The following UVRAG variants were observed in gnomAD, a reference collection of about 807,000 sequenced individuals.
UVRAG encodes UV radiation resistance associated, also known as UV radiation resistance-associated gene protein.
A neutral mutation model predicts 78.0 loss-of-function variants in UVRAG; 19 were observed. That is an observed-to-expected ratio of 0.24 (90% CI 0.17 to 0.36). UVRAG has a LOEUF of 0.36. UVRAG is among the 10% of genes least tolerant of loss of function. The pLI, the probability that UVRAG is intolerant of heterozygous loss-of-function variation, is 1.00. For missense variants in UVRAG, 740 were observed against 853.8 expected (o/e 0.87, Z 1.66); for synonymous variants, 323 against 324.6 (o/e 1.00, Z 0.05).
chr11:75,949,553 G>T lies in UVRAG; in HGVS notation c.594-11891G>T, dbSNP rs143617117. ...ACACAGGCACCTCCAACTGAAAATA[G>T]AACTTTCTTCTCAAACTGTTGCTGC... On this transcript the variant is annotated intron_variant, in intron 6 of 14. Coordinates refer to ENST00000356136, the MANE Select transcript of UVRAG (RefSeq NM_003369.4). 1.4e-4 allele frequency among the ~76,000 whole-genome samples: 21 copies of T among 152,058 alleles called. No homozygotes were observed. The East Asian group carries it at 4.1e-3, about 29-fold the overall frequency.
At chr11:75,946,957 T>C (rs1015797121) in intron 6 of UVRAG, among the ~76,000 whole-genome samples, 5 of 152,134 alleles carry the variant, frequency 3.3e-5, no homozygotes, top group African/African-American at 1.2e-4. Flanking sequence ...GCCAGCATGG[T>C]TCAGTTTCTG....
chr11:75,867,527 C>T (rs565685885), intron 3 of UVRAG, among the ~76,000 whole-genome samples: 2 of 152,034 alleles, frequency 1.3e-5, no homozygotes, highest in South Asian at 2.1e-4. Context: ...CTCATTTTTT[C>T]TGTGGATAGG....
chr11:75,889,228 A>G (rs1947161552), intron 5 of UVRAG, among the ~76,000 whole-genome samples: 1 of 152,236 alleles, frequency 6.6e-6, no homozygotes, highest in Non-Finnish European at 1.5e-5. Flanking sequence ...GTTTTATGAA[A>G]TGTTTCAGAT....
intron 3 of UVRAG, among the ~76,000 whole-genome samples, chr11:75,873,919 G>A (rs555725334): frequency 1.3e-4 from 20 of 152,290 alleles, no homozygotes; most frequent in African/African-American, 4.3e-4. Context: ...TTTTCTCAGC[G>A]TCCTCGGTGG....
At chr11:76,074,756 A>C (rs993117429) in intron 13 of UVRAG, among the ~76,000 whole-genome samples, 2 of 152,196 alleles carry the variant, frequency 1.3e-5, no homozygotes, top group African/African-American at 4.8e-5. Context: ...GCCTTCCTAC[A>C]ATTCTGTGAG....
intron 5 of UVRAG, among the ~76,000 whole-genome samples, chr11:75,904,865 AT>A (rs1449420452): frequency 4.6e-5 from 7 of 152,242 alleles, no homozygotes; most frequent in Admixed American, 2.6e-4. Context: ...TATTGCTGTT[AT>A]TTTTTATTAC....
intron 12 of UVRAG, among the ~76,000 whole-genome samples, chr11:76,032,893 T>G (rs574972068): frequency 2.6e-5 from 4 of 152,228 alleles, no homozygotes; most frequent in Admixed American, 2.6e-4. Context: ...GAGACATGTA[T>G]AAGAGAAGAG....
rs374112056 is a variant in UVRAG at position 76,142,279 on chromosome 11, A to G, written c.*866A>G. 3 of 152,206 alleles carry G rather than the reference A, an allele frequency of 2.0e-5. No homozygotes were observed. The highest frequency in any genetic ancestry group is 7.2e-5 in the African/African-American group (3 of 41,450). 9.4% of individuals were successfully genotyped at this position (152,206 alleles called of 1,614,324 possible). A position where few individuals can be genotyped will look rare whatever the true frequency, so the allele number is the denominator to read the frequency against. On this transcript the variant is annotated 3_prime_UTR_variant, in exon 15 of 15. Transcript: ENST00000356136. ...CAGGAACTAGGCATGCTTTCTGGCA[A>G]TGCACTCACCAGACAAAAATCCCTT... is the stretch of plus-strand genomic sequence containing the variant.
intron 13 of UVRAG, among the ~76,000 whole-genome samples, chr11:76,110,605 G>T (rs537673264): frequency 6.6e-6 from 1 of 152,300 alleles, no homozygotes; most frequent in African/African-American, 2.4e-5. Flanking sequence ...GTATGGGGAG[G>T]AGTTTAGGGT....
In UVRAG at chr11:76,142,627, A is replaced by G. The variant is rs1471077803; in HGVS notation, c.*1214A>G. On this transcript the variant is annotated 3_prime_UTR_variant, in exon 15 of 15. Coordinates refer to ENST00000356136, the MANE Select transcript of UVRAG (RefSeq NM_003369.4). Reference sequence around the variant, plus strand: ...ATCCATATATCCATGTATTATATAGAAGAATAAAAATTGAGTTTACTTCAC... The same window carrying G: ...ATCCATATATCCATGTATTATATAGGAGAATAAAAATTGAGTTTACTTCAC... 6.6e-6 allele frequency: 1 copy of G among 152,478 alleles called. No homozygotes were observed. Among genetic ancestry groups the G allele is most frequent in the East Asian group, 1.9e-4 (1 of 5,194 alleles). 9.4% of individuals were successfully genotyped at this position (152,478 alleles called of 1,614,324 possible). A position where few individuals can be genotyped will look rare whatever the true frequency, so the allele number is the denominator to read the frequency against.
intron 14 of UVRAG, among the ~76,000 whole-genome samples, chr11:76,129,485 G>A (rs1463925252): frequency 6.6e-6 from 1 of 152,114 alleles, no homozygotes; most frequent in Non-Finnish European, 1.5e-5. Context: ...GATAAGTTCT[G>A]ATATCAGAAA....
At chr11:75,865,677 C>T (rs981359132) in intron 3 of UVRAG, among the ~76,000 whole-genome samples, 3 of 151,698 alleles carry the variant, frequency 2.0e-5, no homozygotes, top group Non-Finnish European at 4.4e-5. Flanking sequence ...TGCAGTGGCA[C>T]GATCTCGGCT....
At chr11:76,001,232 A>AG (rs1479609045) in intron 8 of UVRAG, among the ~76,000 whole-genome samples, 1 of 152,224 alleles carries the variant, frequency 6.6e-6, no homozygotes, top group Non-Finnish European at 1.5e-5. Context: ...TATATATATC[A>AG]TAAACCACGG....
At chr11:76,020,736 G>A (rs1201634197) in intron 12 of UVRAG, among the ~76,000 whole-genome samples, 4 of 143,720 alleles carry the variant, frequency 2.8e-5, no homozygotes, top group Admixed American at 1.5e-4. Context: ...TAGCCACCCC[G>A]GCTAGTGTCC....
intron 8 of UVRAG, among the ~76,000 whole-genome samples, chr11:76,002,694 T>A (rs1949839312): frequency 6.6e-6 from 1 of 152,164 alleles, no homozygotes; most frequent in Non-Finnish European, 1.5e-5. Flanking sequence ...AAAGTTAAGT[T>A]GTGTTCCTTG....
At chr11:75,920,008 G>GTTATTTTTTTT (rs1947940971) in intron 6 of UVRAG, among the ~76,000 whole-genome samples, 1 of 55,462 alleles carries the variant, frequency 1.8e-5, no homozygotes, top group East Asian at 6.3e-4. Context: ...AATAATTTTG[G>GTTATTTTTTTT]TTTTTTTTTT....
chr11:75,983,263 C>T (rs1949429058), intron 7 of UVRAG, 124 bp from the exon 8 acceptor site: 3 of 818,676 alleles, frequency 3.7e-6, no homozygotes, highest in Non-Finnish European at 5.3e-6. Context: ...CTCAAGAGTT[C>T]CATAAGTTTG....
At chr11:75,880,113 C>A in intron 4 of UVRAG, 73 bp downstream of exon 4, 1 of 1,546,058 alleles carries the variant, frequency 6.5e-7, no homozygotes, top group South Asian at 1.2e-5. Flanking sequence ...GTTGATTCTT[C>A]TGATTCTGCG....
chr11:76,111,573 G>A (rs187250399), intron 13 of UVRAG, among the ~76,000 whole-genome samples: 182 of 152,304 alleles, frequency 1.2e-3, no homozygotes, highest in Non-Finnish European at 2.0e-3. Flanking sequence ...GTGATTACGT[G>A]AAAGTGTAAC....
Sources: gnomAD v4.1 joint callset for allele counts (sites outside exome capture counted in the v4.1 genomes callset) on GRCh38, gnomAD v4.1.1 for gene constraint, MANE v1.5 for transcripts, NCBI Gene and HGNC (gene_info 2026-07-23, HGNC 2026-07-21) for gene names.